MINPP1: variants seen among roughly 807,000 people sequenced by gnomAD.
MINPP1 encodes the protein multiple inositol polyphosphate phosphatase 1.
A neutral mutation model predicts 46.1 loss-of-function variants in MINPP1; 28 were observed. That is an observed-to-expected ratio of 0.61 (90% CI 0.45 to 0.83). MINPP1 has a LOEUF of 0.83. Among genes scored for constraint, MINPP1 ranks in the 40% least tolerant of loss-of-function variants. MINPP1 has a pLI of 0.00. For missense variants in MINPP1, 603 were observed against 610.0 expected, an observed-to-expected ratio of 0.99 and a Z score of 0.12; for synonymous variants, 268 against 249.1, an observed-to-expected ratio of 1.08 and a Z score of -0.72.
chr10:87,512,731 G>A (rs1851353381), intron 2 of MINPP1, among the ~76,000 whole-genome samples: 1 of 151,934 alleles, frequency 6.6e-6, no homozygotes, highest in South Asian at 2.1e-4. Context: ...ACAAGTAATT[G>A]CCTGAGGCAG....
At chr10:87,529,543 C>T (rs2131824381) in intron 4 of MINPP1, among the ~76,000 whole-genome samples, 1 of 152,348 alleles carries the variant, frequency 6.6e-6, no homozygotes. Flanking sequence ...CCACTCTCTT[C>T]TGGCTTGTAG....
rs1217885886 is a variant in MINPP1, at chr10:87,552,892, T to A, written c.*414T>A. On this transcript the variant is annotated 3_prime_UTR_variant, in exon 5 of 5. Coordinates refer to ENST00000371996, the MANE Select transcript of MINPP1 (RefSeq NM_004897.5). ...TACAGATTGTTCTGCAGTTCTCTCTTCTTTTCCTCAGGTAGGACAGCTCTA... is the reference window on the plus strand; with the variant it reads ...TACAGATTGTTCTGCAGTTCTCTCTACTTTTCCTCAGGTAGGACAGCTCTA... 1.1e-5 allele frequency: 2 copies of A among 175,254 alleles called. No individual in the cohort carries two copies. Among genetic ancestry groups the A allele is most frequent in the Non-Finnish European group, 2.4e-5 (2 of 82,430 alleles). 10.9% of individuals were successfully genotyped at this position (175,254 alleles called of 1,614,324 possible). A position where few individuals can be genotyped will look rare whatever the true frequency, so the allele number is the denominator to read the frequency against.
chr10:87,525,383 T>C (rs573584242), intron 4 of MINPP1, among the ~76,000 whole-genome samples: 14 of 152,344 alleles, frequency 9.2e-5, no homozygotes, highest in Admixed American at 7.8e-4. Context: ...TGGAATGATA[T>C]AATATGTGGT....
chr10:87,514,660 A>G (rs1851387204), intron 3 of MINPP1, among the ~76,000 whole-genome samples: 1 of 152,176 alleles, frequency 6.6e-6, no homozygotes, highest in Middle Eastern at 3.2e-3. Flanking sequence ...TAAGTGATAT[A>G]TCCTTCTCAG....
At chr10:87,519,410 G>C (rs1851462576) in intron 3 of MINPP1, among the ~76,000 whole-genome samples, 1 of 152,146 alleles carries the variant, frequency 6.6e-6, no homozygotes, top group Non-Finnish European at 1.5e-5. Context: ...TGTCATACTT[G>C]AGCTAAGAGA....
intron 4 of MINPP1, among the ~76,000 whole-genome samples, chr10:87,536,588 A>G (rs1385986442): frequency 1.3e-5 from 2 of 152,158 alleles, no homozygotes; most frequent in African/African-American, 2.4e-5. Flanking sequence ...TTCAGGTAAC[A>G]CTGATACACT....
chr10:87,518,096 A>AC (rs1296254866), intron 3 of MINPP1, among the ~76,000 whole-genome samples: 60 of 150,854 alleles, frequency 4.0e-4, no homozygotes, highest in African/African-American at 1.4e-3. Flanking sequence ...AGCAGCTGGG[A>AC]TTACAGGCAC....
chr10:87,509,643 ATTG>A (rs1851306705), intron 2 of MINPP1: 2 of 236,238 alleles, frequency 8.5e-6, no homozygotes, highest in Non-Finnish European at 1.8e-5. Context: ...ACCAGTGGTA[ATTG>A]TTGTCATGAA....
intron 4 of MINPP1, among the ~76,000 whole-genome samples, chr10:87,521,493 G>A (rs986018094): frequency 9.2e-5 from 14 of 151,662 alleles, no homozygotes; most frequent in Admixed American, 7.9e-4. Context: ...TCATTCCTTC[G>A]CCTCTTTAAA....
chr10:87,513,091 G>T, intron 2 of MINPP1, 33 bp from the exon 3 acceptor site: 1 of 1,523,078 alleles, frequency 6.6e-7, no homozygotes, highest in South Asian at 1.1e-5. Flanking sequence ...AGAAAATAAT[G>T]ACCCACAAAA....
chr10:87,507,145 C>A (rs183968862), intron 1 of MINPP1, among the ~76,000 whole-genome samples: 3 of 152,174 alleles, frequency 2.0e-5, no homozygotes, highest in Non-Finnish European at 4.4e-5. Flanking sequence ...CCACTCCTGA[C>A]CGTTTTCAGT....
chr10:87,523,914 T>C (rs773505387), intron 4 of MINPP1, among the ~76,000 whole-genome samples: 3 of 152,154 alleles, frequency 2.0e-5, no homozygotes, highest in Non-Finnish European at 4.4e-5. Flanking sequence ...TGTGTAAAAA[T>C]AGATGTGCTG....
At chr10:87,521,492 C>T (rs1429316773) in intron 4 of MINPP1, among the ~76,000 whole-genome samples, 2 of 152,112 alleles carry the variant, frequency 1.3e-5, no homozygotes, top group African/African-American at 4.8e-5. Flanking sequence ...GTCATTCCTT[C>T]GCCTCTTTAA....
chr10:87,546,907 G>T (rs1232107285), intron 4 of MINPP1, among the ~76,000 whole-genome samples: 1 of 152,116 alleles, frequency 6.6e-6, no homozygotes, highest in Non-Finnish European at 1.5e-5. Flanking sequence ...TCCAGCCTGG[G>T]TGACAGAGCG....
At chr10:87,518,500 A>G (rs1011706735) in intron 3 of MINPP1, among the ~76,000 whole-genome samples, 1 of 151,904 alleles carries the variant, frequency 6.6e-6, no homozygotes, top group Non-Finnish European at 1.5e-5. Flanking sequence ...TCACACCACC[A>G]TCACAATCAT....
At chr10:87,509,832 T>G (rs890413795) in intron 2 of MINPP1, 3 of 196,100 alleles carry the variant, frequency 1.5e-5, no homozygotes, top group African/African-American at 2.3e-5. Context: ...TAAATGTATG[T>G]ATTTCATTCT....
chr10:87,511,505 G>A lies in MINPP1; in HGVS notation c.836-1619G>A, dbSNP rs78777300. ...CTTATCCACCTGAAATATTTTTGAG[G>A]TTCTGAAAGATTGACCACGAAATCA... On this transcript the variant is annotated intron_variant, in intron 2 of 4. Transcript: ENST00000371996. Among the ~76,000 whole-genome samples the A allele has an allele frequency of 8.2e-3, 1,243 of 152,154 alleles. 11 individuals are homozygous for A. The highest frequency in any genetic ancestry group is 0.014 in the Non-Finnish European group (926 of 68,000).
Position 87,545,800 on chromosome 10 carries a change from A to T in MINPP1, c.1068-6282A>T, listed in dbSNP as rs373395088. ...GCAGTGTTCCAAATAGCTATTAATT[A>T]CTGATTGGAGATTTGGCCCAGATAC... On this transcript the variant is annotated intron_variant, in intron 4 of 4. Coordinates refer to ENST00000371996, the MANE Select transcript of MINPP1 (RefSeq NM_004897.5). Among the ~76,000 whole-genome samples the T allele has an allele frequency of 3.2e-4, 48 of 152,142 alleles. No individual in the cohort carries two copies. The South Asian group carries it at 9.7e-3, about 31-fold the overall frequency.
rs146646548 is a variant in MINPP1, at chr10:87,539,781, G to T, written c.1068-12301G>T. Reference sequence around the variant, plus strand: ...ATTCTCAGATGGTTTCATGTCCTTTGTGAAAGTTAAGAACCACAGATGCAG... The same window carrying T: ...ATTCTCAGATGGTTTCATGTCCTTTTTGAAAGTTAAGAACCACAGATGCAG... On this transcript the variant is annotated intron_variant, in intron 4 of 4. Transcript: ENST00000371996. Among the ~76,000 whole-genome samples, 11 of 152,308 alleles carry T rather than the reference G, an allele frequency of 7.2e-5. No homozygotes were observed. The East Asian group carries it at 2.1e-3, about 29-fold the overall frequency.
Sources: gnomAD v4.1 joint callset for allele counts (sites outside exome capture counted in the v4.1 genomes callset) on GRCh38, gnomAD v4.1.1 for gene constraint, MANE v1.5 for transcripts, NCBI Gene and HGNC (gene_info 2026-07-23, HGNC 2026-07-21) for gene names.